The following SPAG16 variants were observed in gnomAD, a reference collection of about 807,000 sequenced individuals.
SPAG16 encodes sperm-associated antigen 16 protein.
SPAG16 carries 86 observed loss-of-function variants against 80.4 expected under a neutral mutation model. The observed-to-expected ratio is 1.07, with a 90% CI of 0.90 to 1.28. The LOEUF (loss-of-function observed/expected upper bound fraction) is 1.28, where lower values mean the gene tolerates loss of function less well. Ranked by LOEUF, SPAG16 falls within the 50% of genes most tolerant of loss-of-function variation. The probability of loss-of-function intolerance (pLI) is 0.00; values close to 1 mark genes in which losing one functional copy is unlikely to be tolerated. For synonymous variants in SPAG16, 294 were observed against 265.9 expected (o/e 1.11, Z -1.03); for missense variants, 870 against 765.3 (o/e 1.14, Z -1.61).
chr2:213,674,964 A>T (rs1352516778), intron 10 of SPAG16, among the ~76,000 whole-genome samples: 2 of 150,048 alleles, frequency 1.3e-5, no homozygotes, highest in African/African-American at 5.1e-5. Context: ...CACCACACTG[A>T]CTTCCACAAT....
At chr2:213,881,163 TA>T (rs2076329482) in intron 11 of SPAG16, among the ~76,000 whole-genome samples, 1 of 152,190 alleles carries the variant, frequency 6.6e-6, no homozygotes, top group African/African-American at 2.4e-5. Flanking sequence ...GTTCTCTTTA[TA>T]GAGATATCTC....
intron 10 of SPAG16, among the ~76,000 whole-genome samples, chr2:213,800,323 CCTCCCTCCCTCTCTCCCTCT>C (rs1280809810): frequency 7.2e-6 from 1 of 139,236 alleles, no homozygotes; most frequent in Non-Finnish European, 1.6e-5. Context: ...TCCCTCCCTC[CCTCCCTCCCTCTCTCCCTCT>C]CTCCCTCTCT....
chr2:214,152,104 A>G (rs1042542539), intron 15 of SPAG16, among the ~76,000 whole-genome samples: 1 of 152,190 alleles, frequency 6.6e-6, no homozygotes, highest in African/African-American at 2.4e-5. Flanking sequence ...ATAAATTGAA[A>G]GTAGAGGTCA....
intron 10 of SPAG16, among the ~76,000 whole-genome samples, chr2:213,833,297 C>A (rs2073778355): frequency 6.9e-6 from 1 of 145,618 alleles, no homozygotes; most frequent in Admixed American, 7.3e-5. Flanking sequence ...TAGAGATCCA[C>A]CAGACTGTTT....
At chr2:214,161,623 A>G (rs2056443956) in intron 15 of SPAG16, among the ~76,000 whole-genome samples, 1 of 151,908 alleles carries the variant, frequency 6.6e-6, no homozygotes. Context: ...TCTGTTGGAC[A>G]GTGAGAGCAC....
chr2:214,347,263 A>G (rs1220172606), intron 15 of SPAG16, among the ~76,000 whole-genome samples: 1 of 151,508 alleles, frequency 6.6e-6, no homozygotes, highest in East Asian at 1.9e-4. Context: ...ATCTGAGCAG[A>G]GTGTTGAAGA....
rs941600713 is a variant in SPAG16, at chr2:213,484,897, G to C, written c.943-5066G>C. Among the ~76,000 whole-genome samples, 3 of 152,144 alleles carry C rather than the reference G, an allele frequency of 2.0e-5. No individual in the cohort carries two copies. The South Asian group carries it at 6.2e-4, about 32-fold the overall frequency. ...CTTGCTTTATATCTCTGAATAAAGT[G>C]TAGTTTCTTTCTTTAGGCTTAACAC... On this transcript the variant is annotated intron_variant, in intron 9 of 15. Coordinates refer to ENST00000331683, the MANE Select transcript of SPAG16 (RefSeq NM_024532.5).
At chr2:214,164,716 C>T (rs1423133831) in intron 15 of SPAG16, among the ~76,000 whole-genome samples, 1 of 152,016 alleles carries the variant, frequency 6.6e-6, no homozygotes, top group African/African-American at 2.4e-5. Context: ...TAAAAGAGAG[C>T]TAATATATTT....
intron 11 of SPAG16, among the ~76,000 whole-genome samples, chr2:213,926,115 G>A (rs1157094218): frequency 4.0e-5 from 6 of 151,662 alleles, no homozygotes; most frequent in African/African-American, 1.5e-4. Flanking sequence ...TTCTCTTCTG[G>A]AATTTTGATT....
intron 15 of SPAG16, among the ~76,000 whole-genome samples, chr2:214,363,467 G>A (rs766641833): frequency 4.0e-5 from 6 of 151,838 alleles, no homozygotes; most frequent in Non-Finnish European, 7.4e-5. Flanking sequence ...TTATTTTAAT[G>A]TTGATGTGTC....
At chr2:214,281,329 T>C in intron 15 of SPAG16, 1 of 207,636 alleles carries the variant, frequency 4.8e-6, no homozygotes, top group South Asian at 9.0e-5. Context: ...TCCTATTTAT[T>C]TTTATCCTGT....
At chr2:214,275,796 A>G (rs1185519474) in intron 15 of SPAG16, among the ~76,000 whole-genome samples, 2 of 152,272 alleles carry the variant, frequency 1.3e-5, no homozygotes, top group South Asian at 2.1e-4. Context: ...AGTTCTGTAG[A>G]TGTCTATTAG....
At chr2:214,125,557 C>T (rs937981287) in intron 14 of SPAG16, among the ~76,000 whole-genome samples, 1 of 151,530 alleles carries the variant, frequency 6.6e-6, no homozygotes, top group African/African-American at 2.4e-5. Flanking sequence ...GGCTAGCAAA[C>T]AGAAGGACAG....
chr2:213,302,639 G>GTA (rs1327691335), intron 3 of SPAG16: 1 of 80,556 alleles, frequency 1.2e-5, no homozygotes, highest in Non-Finnish European at 2.5e-5. Flanking sequence ...GTGTGTGTGT[G>GTA]TGTGTGTGTG....
At chr2:213,562,821 G>A (rs1160217900) in intron 10 of SPAG16, among the ~76,000 whole-genome samples, 3 of 151,496 alleles carry the variant, frequency 2.0e-5, no homozygotes, top group Non-Finnish European at 2.9e-5. Flanking sequence ...TGCCTGGTGA[G>A]GGCCGATTTC....
At chr2:213,721,649 G>C (rs1018266049) in intron 10 of SPAG16, among the ~76,000 whole-genome samples, 4 of 152,112 alleles carry the variant, frequency 2.6e-5, no homozygotes, top group African/African-American at 9.7e-5. Context: ...GTTTTCACTA[G>C]TCAGCACTGA....
chr2:213,585,268 T>C (rs2060429840), intron 10 of SPAG16, among the ~76,000 whole-genome samples: 1 of 128,098 alleles, frequency 7.8e-6, no homozygotes, highest in South Asian at 2.7e-4. Flanking sequence ...CTTTTACATA[T>C]GAATGATGAA....
intron 13 of SPAG16, among the ~76,000 whole-genome samples, chr2:214,078,206 G>A (rs987980224): frequency 5.3e-5 from 8 of 152,050 alleles, no homozygotes; most frequent in African/African-American, 1.2e-4. Flanking sequence ...AAGCATTGCC[G>A]TTAGGAGAGA....
At chr2:214,221,451 A>G (rs2058565242) in intron 15 of SPAG16, among the ~76,000 whole-genome samples, 1 of 152,168 alleles carries the variant, frequency 6.6e-6, no homozygotes, top group Non-Finnish European at 1.5e-5. Flanking sequence ...AGACATAGAC[A>G]CATCCATTTT....
Sources: gnomAD v4.1 joint callset for allele counts (sites outside exome capture counted in the v4.1 genomes callset) on GRCh38, gnomAD v4.1.1 for gene constraint, MANE v1.5 for transcripts, NCBI Gene and HGNC (gene_info 2026-07-23, HGNC 2026-07-21) for gene names.